MBTD1: variants seen among roughly 807,000 people sequenced by gnomAD.
MBTD1 encodes mbt domain containing 1, also known as MBT domain-containing protein 1.
MBTD1 carries 24 observed loss-of-function variants against 87.8 expected under a neutral mutation model. That is an observed-to-expected ratio of 0.27 (90% CI 0.20 to 0.38). The LOEUF (loss-of-function observed/expected upper bound fraction) is 0.38. Ranked by LOEUF, MBTD1 falls within the 10% of genes least tolerant of loss-of-function variation. The pLI, the probability that MBTD1 is intolerant of heterozygous loss-of-function variation, is 1.00. For missense variants in MBTD1, 436 were observed against 760.2 expected (o/e 0.57, Z 5.02); for synonymous variants, 237 against 248.6 (o/e 0.95, Z 0.44).
chr17:51,237,078 C>T (rs1219834498), intron 2 of MBTD1, among the ~76,000 whole-genome samples: 1 of 151,962 alleles, frequency 6.6e-6, no homozygotes, highest in African/African-American at 2.4e-5. Context: ...GGGCGGATCA[C>T]CTGAGGTCAG....
At chr17:51,213,189 C>T (rs2052357778) in intron 6 of MBTD1, among the ~76,000 whole-genome samples, 1 of 152,028 alleles carries the variant, frequency 6.6e-6, no homozygotes, top group Non-Finnish European at 1.5e-5. Context: ...CAGGCATGTG[C>T]CACCATGCCC....
At chr17:51,193,622 A>G in intron 13 of MBTD1, 112 bp from the exon 14 acceptor site, 1 of 677,230 alleles carries the variant, frequency 1.5e-6, no homozygotes, top group Admixed American at 2.5e-5. Flanking sequence ...TATATGATCA[A>G]CTTTATTTTT....
intron 7 of MBTD1, 55 bp downstream of exon 7, chr17:51,206,833 G>T: frequency 5.1e-6 from 6 of 1,181,066 alleles, no homozygotes; most frequent in South Asian, 1.4e-5. Flanking sequence ...CTTTTTTTAC[G>T]AAAGGTTACA....
chr17:51,235,770 T>C (rs1233676032), intron 2 of MBTD1, among the ~76,000 whole-genome samples: 1 of 152,224 alleles, frequency 6.6e-6, no homozygotes, highest in Non-Finnish European at 1.5e-5. Flanking sequence ...CCAATGAGAA[T>C]CACAGCAGAT....
At chr17:51,246,944 GTTTTC>G (rs2054473899) in intron 2 of MBTD1, among the ~76,000 whole-genome samples, 1 of 151,848 alleles carries the variant, frequency 6.6e-6, no homozygotes, top group Non-Finnish European at 1.5e-5. Flanking sequence ...CTGGCCATTT[GTTTTC>G]TTTTCTATCT....
chr17:51,260,799 T>A (rs1568259986), upstream of MBTD1: 2 of 1,581,754 alleles, frequency 1.3e-6, no homozygotes, highest in Non-Finnish European at 1.7e-6. Flanking sequence ...GAGAGACGGC[T>A]CCGGCAGCGG....
At chr17:51,224,525 T>C (rs1297302246) in intron 3 of MBTD1, among the ~76,000 whole-genome samples, 1 of 152,234 alleles carries the variant, frequency 6.6e-6, no homozygotes, top group African/African-American at 2.4e-5. Context: ...TTTGAGATAC[T>C]AAGAAATGAA....
At chr17:51,217,954 C>T (rs1187798394) in intron 5 of MBTD1, among the ~76,000 whole-genome samples, 1 of 152,118 alleles carries the variant, frequency 6.6e-6, no homozygotes, top group Admixed American at 6.5e-5. Flanking sequence ...GAGGTACAAG[C>T]TCTTTGGTTA....
chr17:51,183,959 C>T (rs2050426463), intron 16 of MBTD1: 1 of 152,140 alleles, frequency 6.6e-6, no homozygotes, highest in East Asian at 1.9e-4. Context: ...ATGTTTCATT[C>T]AAACGGATGT....
chr17:51,180,596 A>G lies in MBTD1; in HGVS notation c.1867T>C (p.Tyr623His). 2 of 1,549,000 alleles carry G rather than the reference A, an allele frequency of 1.3e-6. No homozygotes were observed. The highest frequency in any genetic ancestry group is 1.2e-5 in the South Asian group (1 of 83,960). ...DQESNGSANF[Y>H]IKQEP is the part of the protein sequence containing the mutation. ...CCACCTCATGGCTCTTGTTTGATGT[A>G]GAAGTTGGCAGAGCCATTGCTTTCC... Residue 623 changes from tyrosine to histidine, a missense_variant, in exon 17 of 17, where the codon TAC (tyrosine) becomes CAC (histidine). Around this residue, in one of 5 missense-constraint regions of MBTD1, gnomAD observed 32 missense variants for 34.7 expected, o/e 0.92. Transcript: ENST00000586178.
At chr17:51,197,079 T>C (rs1165302279) in intron 12 of MBTD1, among the ~76,000 whole-genome samples, 1 of 15,796 alleles carries the variant, frequency 6.3e-5, no homozygotes, top group African/African-American at 5.0e-4. Flanking sequence ...TATATATATA[T>C]ATATATATAT....
chr17:51,249,528 T>C (rs1487150827), intron 2 of MBTD1: 1 of 152,232 alleles, frequency 6.6e-6, no homozygotes, highest in Non-Finnish European at 1.5e-5. Flanking sequence ...TTTAATGCTT[T>C]TTTTGGTTTG....
At chr17:51,241,504 A>G (rs1197587014) in intron 2 of MBTD1, among the ~76,000 whole-genome samples, 1 of 152,158 alleles carries the variant, frequency 6.6e-6, no homozygotes, top group Non-Finnish European at 1.5e-5. Flanking sequence ...ATTCTCTAAG[A>G]AACAGCTCTC....
intron 2 of MBTD1, among the ~76,000 whole-genome samples, chr17:51,238,493 A>G (rs756178150): frequency 6.6e-5 from 10 of 152,210 alleles, no homozygotes; most frequent in Non-Finnish European, 1.2e-4. Flanking sequence ...TGATAAAGGG[A>G]TGTCTCAGCG....
chr17:51,209,732 G>A (rs2052058897), intron 6 of MBTD1, among the ~76,000 whole-genome samples: 1 of 152,148 alleles, frequency 6.6e-6, no homozygotes, highest in South Asian at 2.1e-4. Flanking sequence ...CTGTAAGTGG[G>A]CAGAGACAAG....
intron 2 of MBTD1, among the ~76,000 whole-genome samples, chr17:51,245,540 T>C (rs2054386973): frequency 6.6e-6 from 1 of 152,086 alleles, no homozygotes; most frequent in Non-Finnish European, 1.5e-5. Flanking sequence ...CTGGACTTTA[T>C]TATTATGTAT....
At chr17:51,257,361 G>A (rs1035289063) in intron 2 of MBTD1, among the ~76,000 whole-genome samples, 1 of 152,178 alleles carries the variant, frequency 6.6e-6, no homozygotes, top group Non-Finnish European at 1.5e-5. Context: ...TTAGAATGTG[G>A]TTACTCAGAC....
At chr17:51,257,710 G>A (rs760392426) in intron 2 of MBTD1, among the ~76,000 whole-genome samples, 1 of 151,950 alleles carries the variant, frequency 6.6e-6, no homozygotes, top group South Asian at 2.1e-4. Flanking sequence ...AAAGTAAGCA[G>A]GAAAAAAACT....
At chr17:51,213,364 C>T (rs2052370374) in intron 6 of MBTD1, among the ~76,000 whole-genome samples, 1 of 152,148 alleles carries the variant, frequency 6.6e-6, no homozygotes, top group Non-Finnish European at 1.5e-5. Flanking sequence ...TCTGAATATA[C>T]AGACATCAAC....
Sources: allele counts gnomAD v4.1 joint callset (sites outside exome capture counted in the v4.1 genomes callset), GRCh38; gene constraint gnomAD v4.1.1; regional missense constraint gnomAD v4.1.1; transcripts MANE v1.5; gene names NCBI Gene and HGNC (gene_info 2026-07-23, HGNC 2026-07-21).